Variants in CIT observed in about 807,000 individuals in gnomAD.
The protein encoded by CIT is citron Rho-interacting kinase.
In CIT, 79 loss-of-function variants were observed where a neutral mutation model predicts 272.7. The observed-to-expected ratio is 0.29, with a 90% CI of 0.24 to 0.35. CIT has a LOEUF of 0.35. Ranked by LOEUF, CIT falls within the 10% of genes least tolerant of loss-of-function variation. The probability of loss-of-function intolerance (pLI) is 1.00; values close to 1 mark genes in which losing one functional copy is unlikely to be tolerated. For synonymous variants in CIT, 948 were observed against 995.6 expected (o/e 0.95, Z 0.90); for missense variants, 1,909 against 2,618.3 (o/e 0.73, Z 5.91).
At chr12:119,689,231 A>C (rs193242688) in intron 47 of CIT, among the ~76,000 whole-genome samples, 8 of 151,640 alleles carry the variant, frequency 5.3e-5, no homozygotes, top group African/African-American at 1.9e-4. Flanking sequence ...TGGGGGAAAA[A>C]GTTAGCCAGA....
At chr12:119,843,550 G>A (rs1032691416) in intron 5 of CIT, among the ~76,000 whole-genome samples, 10 of 152,058 alleles carry the variant, frequency 6.6e-5, no homozygotes, top group African/African-American at 1.9e-4. Flanking sequence ...GGTGGTTCAC[G>A]CCTGTAATTC....
chr12:119,873,305 T>C (rs1169357905), intron 2 of CIT, among the ~76,000 whole-genome samples: 1 of 150,944 alleles, frequency 6.6e-6, no homozygotes, highest in African/African-American at 2.4e-5. Flanking sequence ...GGTCTTGCTC[T>C]GTCGCCTAGG....
intron 22 of CIT, 74 bp from the exon 23 acceptor site, chr12:119,752,321 A>G (rs1960375730): frequency 2.2e-6 from 3 of 1,360,478 alleles, no homozygotes; most frequent in Middle Eastern, 1.9e-4. Context: ...TGAAGACATG[A>G]CCTGCTACTC....
rs1257610242 is a variant in CIT, at chr12:119,710,823, C to T, written c.4855-203G>A. ...GCGAGTGCTATTGGTATCTCTGGGG[C>T]AGCTGTTAATTAGCATCTGAGTTAT... is the stretch of plus-strand genomic sequence containing the variant. On this transcript the variant is annotated intron_variant, in intron 37 of 47. Transcript: ENST00000392521. The surrounding 1 kb of genome is among the most constrained non-coding windows in gnomAD (Gnocchi z 5.6). 1.5e-6 allele frequency: 1 copy of T among 652,510 alleles called. No homozygotes were observed. The highest frequency in any genetic ancestry group is 2.6e-6 in the Non-Finnish European group (1 of 381,962). The allele number at this position is 652,510 out of a possible 1,614,324, so 40.4% of individuals were successfully genotyped here.
chr12:119,803,349 G>A lies in CIT; in HGVS notation c.1152C>T (p.Asp384=). The A allele has an allele frequency of 6.2e-7, 1 of 1,602,172 alleles. No individual in the cohort carries two copies. Among genetic ancestry groups the A allele is most frequent in the South Asian group, 1.1e-5 (1 of 89,934 alleles). The change falls in exon 10 of 48, where the codon GAC becomes GAT. Residue 384 remains aspartate, a synonymous_variant. Coordinates refer to ENST00000392521, the MANE Select transcript of CIT (RefSeq NM_001206999.2). ...TCTCTGGTTCATCAAAATTGGAGGT[G>A]TCATCGTCAGACTTGAGGGTGGGAA... ...PFVPTLKSDD[D]TSNFDEPEKN...
intron 44 of CIT, among the ~76,000 whole-genome samples, chr12:119,700,057 G>A (rs1956468449): frequency 2.0e-5 from 3 of 152,220 alleles, no homozygotes; most frequent in Admixed American, 2.0e-4. Context: ...AACAAAACGG[G>A]CATGGCCTTA....
chr12:119,864,933 A>G (rs1438640824), intron 3 of CIT, among the ~76,000 whole-genome samples: 1 of 151,954 alleles, frequency 6.6e-6, no homozygotes, highest in African/African-American at 2.4e-5. Flanking sequence ...ACTCTATTCC[A>G]TTTTCTCTAA....
rs574534105 is a variant in CIT, at chr12:119,763,324, G to A, written c.2305-2269C>T. Among the ~76,000 whole-genome samples, 7 of 5,174 alleles carry A rather than the reference G, an allele frequency of 1.4e-3. No homozygotes were observed. The South Asian group carries it at 0.015, about 11-fold the overall frequency. The allele number at this position is 5,174 out of a possible 152,430, so 3.4% of individuals were successfully genotyped here. On this transcript the variant is annotated intron_variant, in intron 19 of 47. Transcript: ENST00000392521. The stretch of plus-strand genomic sequence containing the variant: ...CAGCCTCAACCTCCTGATCACAAGC[G>A]ATCCTCCCACCTCAGGCTCCCAAGC...
chr12:119,775,996 G>C (rs1566025718), intron 15 of CIT, among the ~76,000 whole-genome samples, 157 bp from the exon 16 acceptor site: 1 of 152,192 alleles, frequency 6.6e-6, no homozygotes. Flanking sequence ...GCCTCTCAGG[G>C]AAGACTTTGT....
At chr12:119,762,810 G>T (rs565541202) in intron 19 of CIT, among the ~76,000 whole-genome samples, 6 of 152,300 alleles carry the variant, frequency 3.9e-5, no homozygotes, top group African/African-American at 1.4e-4. Flanking sequence ...GCTGACACGG[G>T]TGGAGATCGC....
chr12:119,866,405 G>A (rs752533540), intron 3 of CIT, among the ~76,000 whole-genome samples: 2 of 152,146 alleles, frequency 1.3e-5, no homozygotes, highest in Non-Finnish European at 2.9e-5. Context: ...CTGAGCTACC[G>A]TCGAGGCTGT....
At position 119,690,432 on chromosome 12, in the gene CIT, G is replaced by A; in HGVS notation, c.5905C>T (p.Pro1969Ser). The change falls in exon 47 of 48, where the codon CCC becomes TCC. Residue 1969 changes from proline (P) to serine (S), a missense_variant. Transcript: ENST00000392521. This position sits in a 1 kb window ranked among gnomAD's most constrained non-coding sequence, Gnocchi z 6.0. ...TTGGTGATGTGCTCGTTGTACGTGG[G>A]TGGGCCTCGCTTGTTGGGGCTGCTG... ...SRSSPNKRGP[P>S]TYNEHITKRV... is the part of the protein sequence containing the mutation. 6.3e-7 allele frequency: 1 copy of A among 1,593,298 alleles called. No homozygotes were observed. Among genetic ancestry groups the A allele is most frequent in the Non-Finnish European group, 8.5e-7 (1 of 1,176,458 alleles).
chr12:119,824,864 T>C (rs962731751), intron 8 of CIT, among the ~76,000 whole-genome samples: 4 of 152,192 alleles, frequency 2.6e-5, no homozygotes, highest in Non-Finnish European at 5.9e-5. Context: ...AGCGGCGCGA[T>C]CTTGGCTCAC....
chr12:119,865,760 C>T (rs561037109), intron 3 of CIT, among the ~76,000 whole-genome samples: 1 of 150,290 alleles, frequency 6.7e-6, no homozygotes, highest in East Asian at 2.0e-4. Flanking sequence ...GTCCCAGCTA[C>T]TGAGGAGGCT....
At chr12:119,794,876 C>A (rs203350) in intron 10 of CIT, among the ~76,000 whole-genome samples, 120 of 152,252 alleles carry the variant, frequency 7.9e-4, no homozygotes, top group Middle Eastern at 3.4e-3. Context: ...GCTTCATATC[C>A]CCATGGCAAA....
Position 119,848,143 on chromosome 12 carries a change from T to C in CIT, c.516+2031A>G, listed in dbSNP as rs1969947995. On this transcript the variant is annotated intron_variant, in intron 5 of 47. Coordinates refer to ENST00000392521, the MANE Select transcript of CIT (RefSeq NM_001206999.2). The stretch of plus-strand genomic sequence containing the variant: ...TTTCAGGCCATAAACCTAAGAGCTG[T>C]GGCATTGGTTCTGAAGGCACGTGTG... 1.3e-5 allele frequency among the ~76,000 whole-genome samples: 2 copies of C among 152,164 alleles called. 1 individual carries two copies. The highest frequency in any genetic ancestry group is 1.3e-4 in the Admixed American group (2 of 15,272).
At chr12:119,853,324 CAAAAAAA>C (rs199867661) in intron 4 of CIT, among the ~76,000 whole-genome samples, 2 of 82,704 alleles carry the variant, frequency 2.4e-5, no homozygotes, top group Admixed American at 2.9e-4. Context: ...ACTCTGTCTC[CAAAAAAA>C]AAAAAAAAAA....
chr12:119,840,784 A>G (rs1295509768), intron 5 of CIT, among the ~76,000 whole-genome samples: 1 of 152,228 alleles, frequency 6.6e-6, no homozygotes, highest in African/African-American at 2.4e-5. Context: ...CTGAAAAATC[A>G]GATAATCTTA....
chr12:119,703,796 G>A (rs7302460), intron 41 of CIT, among the ~76,000 whole-genome samples: 36 of 152,078 alleles, frequency 2.4e-4, no homozygotes, highest in African/African-American at 7.3e-4. Flanking sequence ...GGGACACTCC[G>A]AGGTAGGGAC....
Sources: gnomAD v4.1 joint callset for allele counts (sites outside exome capture counted in the v4.1 genomes callset) on GRCh38, gnomAD v4.1.1 for gene constraint, Gnocchi (gnomAD v3.1) non-coding constraint, MANE v1.5 for transcripts, NCBI Gene and HGNC (gene_info 2026-07-23, HGNC 2026-07-21) for gene names.